The following CROCC variants were observed in gnomAD, a reference collection of about 807,000 sequenced individuals.
The protein encoded by CROCC is rootletin.
In CROCC, 180 loss-of-function variants were observed where a neutral mutation model predicts 245.2. The observed-to-expected ratio is 0.73, with a 90% CI of 0.65 to 0.83. CROCC has a LOEUF of 0.83. Among genes scored for constraint, CROCC ranks in the 40% least tolerant of loss-of-function variants. CROCC has a pLI of 0.00. For missense variants in CROCC, 2,688 were observed against 2,779.4 expected (o/e 0.97, Z 0.74); for synonymous variants, 1,205 against 1,241.6 (o/e 0.97, Z 0.62).
At chr1:16,969,542 A>G (rs1196847504) in intron 32 of CROCC, among the ~76,000 whole-genome samples, 1 of 152,158 alleles carries the variant, frequency 6.6e-6, no homozygotes, top group Non-Finnish European at 1.5e-5. Flanking sequence ...GTAAGAAGAC[A>G]AGGCTACTGG....
At position 16,948,925 on chromosome 1, in the gene CROCC, T is replaced by C; in HGVS notation, c.2835T>C (p.Thr945=). 1 of 1,611,368 alleles carries C rather than the reference T, an allele frequency of 6.2e-7. No individual in the cohort carries two copies. The highest frequency in any genetic ancestry group is 8.5e-7 in the Non-Finnish European group (1 of 1,179,874). The change falls in exon 19 of 37, where the codon ACT becomes ACC. Residue 945 remains threonine (T), a splice_region_variant and synonymous_variant. Coordinates refer to ENST00000375541, the MANE Select transcript of CROCC (RefSeq NM_014675.5). ...TGCTGCTGGCCAAGGAGACCCTGAC[T>C]GGTACGAGGGGCTGGGGACTTGGGG... is the stretch of plus-strand genomic sequence containing the variant. ...QALLLAKETL[T]GELAGLRQQI... is the part of the protein sequence containing the mutation.
Position 16,972,424 on chromosome 1 carries a change from C to T in CROCC, c.6032C>T (p.Pro2011Leu), listed in dbSNP as rs1159889868. ...LRRSSAPFSP[P>L]SGPPEK is the part of the protein sequence containing the mutation. ...AGGAGCTCAGCACCCTTCTCCCCAC[C>T]CTCCGGCCCCCCAGAGAAATGAGCT... is the stretch of plus-strand genomic sequence containing the variant. Residue 2011 changes from proline (P) to leucine (L), a missense_variant, in exon 37 of 37, where the codon CCC becomes CTC. This residue lies in a region of CROCC where 1,218 missense variants were observed against 1,286.3 expected (regional missense o/e 0.95). Coordinates refer to ENST00000375541, the MANE Select transcript of CROCC (RefSeq NM_014675.5). 4 of 1,613,186 alleles carry T rather than the reference C, an allele frequency of 2.5e-6. No homozygotes were observed. Among genetic ancestry groups the T allele is most frequent in the Non-Finnish European group, 3.4e-6 (4 of 1,179,526 alleles).
At chr1:16,914,265 C>T (rs1310922157) in intron 1 of CROCC, among the ~76,000 whole-genome samples, 1 of 151,922 alleles carries the variant, frequency 6.6e-6, no homozygotes, top group African/African-American at 2.4e-5. Flanking sequence ...TCCGCGACTG[C>T]CGCGGCCCGG....
At chr1:16,936,070 T>TC (rs2075781642) in intron 8 of CROCC, among the ~76,000 whole-genome samples, 2 of 152,140 alleles carry the variant, frequency 1.3e-5, no homozygotes, top group Non-Finnish European at 1.5e-5. Context: ...CCTTTTTTTT[T>TC]CCCCAATCTG....
Position 16,945,559 on chromosome 1 carries a change from G to T in CROCC, c.2089G>T (p.Asp697Tyr). 6.2e-7 allele frequency: 1 copy of T among 1,612,482 alleles called. No individual in the cohort carries two copies. Among genetic ancestry groups the T allele is most frequent in the Non-Finnish European group, 8.5e-7 (1 of 1,179,908 alleles). ...EALSRATLQR[D>Y]MLQAEKAEVA... ...GCTGAGCCGCGCCACACTGCAACGG[G>T]ACATGCTGCAGGCCGAGAAGGCCGA... The change falls in exon 15 of 37, where the codon GAC becomes TAC. Residue 697 changes from aspartate (D) to tyrosine (Y), a missense_variant. This residue lies in a region of CROCC where 18 missense variants were observed against 61.1 expected (regional missense o/e 0.29). Coordinates refer to ENST00000375541, the MANE Select transcript of CROCC (RefSeq NM_014675.5).
rs1412174269 is a variant in CROCC, at chr1:16,954,398, G to A, written c.3321+41G>A. On this transcript the variant is annotated intron_variant, in intron 22 of 36. Transcript: ENST00000375541. The surrounding 1 kb of genome is among the most constrained non-coding windows in gnomAD (Gnocchi z 4.4). ...CAGCTGGGCCTCTGTCTCATAGAGAGGCACATCCCTGGCTGAGGAGCCCCC... is the reference window on the plus strand; with the variant it reads ...CAGCTGGGCCTCTGTCTCATAGAGAAGCACATCCCTGGCTGAGGAGCCCCC... 1.9e-6 allele frequency: 3 copies of A among 1,584,872 alleles called. No homozygotes were observed. The highest frequency in any genetic ancestry group is 2.6e-6 in the Non-Finnish European group (3 of 1,162,434).
In CROCC at chr1:16,954,857, C is replaced by T. The variant is rs374075325; in HGVS notation, c.3445C>T (p.Arg1149Trp). The part of the protein sequence containing the change: ...QEQARDLGKQ[R>W]DSCLREAEEL... ...GCAGGCCCGAGACCTGGGCAAGCAGCGGGACTCCTGTCTTCGCGAGGTGAG... is the reference window on the plus strand; with the variant it reads ...GCAGGCCCGAGACCTGGGCAAGCAGTGGGACTCCTGTCTTCGCGAGGTGAG... The change falls in exon 23 of 37, where the codon CGG becomes TGG. Residue 1149 changes from arginine (R) to tryptophan (W), a missense_variant. Around this residue, in one of 9 missense-constraint regions of CROCC, gnomAD observed 1,218 missense variants for 1,286.3 expected, o/e 0.95. Transcript: ENST00000375541. The surrounding 1 kb of genome is among the most constrained non-coding windows in gnomAD (Gnocchi z 4.4). 72 of 1,539,340 alleles carry T rather than the reference C, an allele frequency of 4.7e-5. No individual in the cohort carries two copies. The highest frequency in any genetic ancestry group is 2.0e-4 in the Admixed American group (10 of 51,048).
At chr1:16,950,053 G>A (rs2076133012) in intron 19 of CROCC, among the ~76,000 whole-genome samples, 1 of 150,384 alleles carries the variant, frequency 6.6e-6, no homozygotes, top group Non-Finnish European at 1.5e-5. Flanking sequence ...ACAGGCATGA[G>A]CCATCACGCC....
rs1481559303 is a variant in CROCC at position 16,956,130 on chromosome 1, C to T, written c.3838C>T (p.Arg1280Trp). The T allele has an allele frequency of 1.3e-6, 2 of 1,546,948 alleles. No individual in the cohort carries two copies. Among genetic ancestry groups the T allele is most frequent in the Non-Finnish European group, 1.7e-6 (2 of 1,144,522 alleles). ...EVERSRLEAR[R>W]ELQELRRQMK... Reference sequence around the variant, plus strand: ...GGAGCGCTCACGGCTGGAGGCTCGGCGGGAGCTGCAGGAGCTCCGGCGTCA... The same window carrying T: ...GGAGCGCTCACGGCTGGAGGCTCGGTGGGAGCTGCAGGAGCTCCGGCGTCA... The change falls in exon 25 of 37, where the codon CGG becomes TGG. Residue 1280 changes from arginine (R) to tryptophan (W), a missense_variant. This residue lies in a region of CROCC where 1,218 missense variants were observed against 1,286.3 expected (regional missense o/e 0.95). Transcript: ENST00000375541.
At chr1:16,925,866 G>A (rs753110633) in intron 3 of CROCC, among the ~76,000 whole-genome samples, 6 of 152,266 alleles carry the variant, frequency 3.9e-5, no homozygotes, top group Non-Finnish European at 8.8e-5. Context: ...GGTGTGTAGG[G>A]CACGCTGGCC....
At position 16,942,620 on chromosome 1, in the gene CROCC, CTG is replaced by C. The variant is rs1164317338; in HGVS notation, c.1809-1478_1809-1477del. Among the ~76,000 whole-genome samples, 6 of 152,382 alleles carry C rather than the reference CTG, an allele frequency of 3.9e-5. No individual in the cohort carries two copies. In the South Asian group the frequency reaches 8.3e-4, roughly 21 times the overall value. On this transcript the variant is annotated intron_variant, in intron 13 of 36. Transcript: ENST00000375541. The stretch of plus-strand genomic sequence containing the variant: ...TGTCAAACTCATGCAATTCGGAACT[CTG>C]TTGTTGTAAGCTTGAGAGACTGGCT...
rs1230172608 is a variant in CROCC at position 16,969,245 on chromosome 1, G to C, written c.5206G>C (p.Ala1736Pro). ...GGTGCGGGGCCTGACAGAGGCCCTG[G>C]CCCAGAGCAGTGCCAGCCTCAACAG... The part of the protein sequence containing the change: ...DKVRGLTEAL[A>P]QSSASLNSTR... Residue 1736 changes from alanine to proline, a missense_variant, in exon 32 of 37, where the codon GCC becomes CCC. Around this residue, in one of 9 missense-constraint regions of CROCC, gnomAD observed 1,218 missense variants for 1,286.3 expected, o/e 0.95. Transcript: ENST00000375541. The C allele has an allele frequency of 5.6e-6, 9 of 1,613,342 alleles. No homozygotes were observed. The African/African-American group carries it at 1.2e-4, about 22-fold the overall frequency.
In CROCC at chr1:16,972,515, C is replaced by CT; in HGVS notation, c.*69_*70insT. 9.5e-7 allele frequency: 1 copy of CT among 1,050,392 alleles called. No homozygotes were observed. Among genetic ancestry groups the CT allele is most frequent in the Non-Finnish European group, 1.4e-6 (1 of 740,628 alleles). The allele number at this position is 1,050,392 out of a possible 1,614,324, so 65.1% of individuals were successfully genotyped here. A position where few individuals can be genotyped will look rare whatever the true frequency, so the allele number is the denominator to read the frequency against. On this transcript the variant is annotated 3_prime_UTR_variant, in exon 37 of 37. Coordinates refer to ENST00000375541, the MANE Select transcript of CROCC (RefSeq NM_014675.5). ...GGAGGACCCTTCTTTTGGACAGCCC[C>CT]CCCACCCAGAGCCCGGTCCCTTGGG...
chr1:16,919,128 G>T (rs1456662147), upstream of CROCC, among the ~76,000 whole-genome samples: 3 of 152,278 alleles, frequency 2.0e-5, no homozygotes, highest in Non-Finnish European at 4.4e-5. Context: ...TTTTCCATTT[G>T]CAGGGCAGTT....
At chr1:16,967,727 G>A (rs867861553) in intron 30 of CROCC, among the ~76,000 whole-genome samples, 3 of 152,174 alleles carry the variant, frequency 2.0e-5, no homozygotes, top group South Asian at 2.1e-4. Context: ...CTGACCCTGG[G>A]CAGGGGAGGG....
At chr1:16,955,229 G>A in intron 23 of CROCC, 83 bp from the exon 24 acceptor site, 1 of 1,373,030 alleles carries the variant, frequency 7.3e-7, no homozygotes, top group Non-Finnish European at 1.0e-6. Flanking sequence ...CAGGCTCCCT[G>A]GGTCCAGGGA....
intron 3 of CROCC, among the ~76,000 whole-genome samples, chr1:16,925,918 C>T (rs1419815601): frequency 6.6e-6 from 1 of 152,270 alleles, no homozygotes; most frequent in Admixed American, 6.5e-5. Context: ...CTGAGCCAGG[C>T]ACCCCTTTCT....
chr1:16,946,849 A>C lies in CROCC; in HGVS notation c.2372A>C (p.Glu791Ala). 6.4e-7 allele frequency: 1 copy of C among 1,555,138 alleles called. No individual in the cohort carries two copies. Among genetic ancestry groups the C allele is most frequent in the Non-Finnish European group, 8.7e-7 (1 of 1,149,218 alleles). ...GCGCGGGAAGAGCAGGAACGGCTAG[A>C]GGAGCTGCGGTTGGAGCAGGAGGTG... Reference protein sequence around the residue: ...TVAREEQERLEELRLEQEVAR... With the variant: ...TVAREEQERLAELRLEQEVAR... The change falls in exon 17 of 37, where the codon GAG (glutamate) becomes GCG (alanine). Residue 791 changes from glutamate (E) to alanine (A), a missense_variant. Glu to Ala is a moderately radical substitution (Grantham distance 107). Around this residue, in one of 9 missense-constraint regions of CROCC, gnomAD observed 295 missense variants for 241.7 expected, o/e 1.22. Coordinates refer to ENST00000375541, the MANE Select transcript of CROCC (RefSeq NM_014675.5).
chr1:16,924,326 C>T lies in CROCC; in HGVS notation c.198C>T (p.Val66=). 3 of 1,611,932 alleles carry T rather than the reference C, an allele frequency of 1.9e-6. No homozygotes were observed. Among genetic ancestry groups the T allele is most frequent in the East Asian group, 2.2e-5 (1 of 44,878 alleles). ...CATGTGCCCACTGTCCCTTGCCAGT[C>T]CTGCTGCCGGCCACAGAGATGGCAT... The part of the protein sequence containing the change: ...TRNLSQPESP[V]LLPATEMASL... The change falls in exon 3 of 37, where the codon GTC becomes GTT. Residue 66 remains valine (V), a splice_region_variant and synonymous_variant. Coordinates refer to ENST00000375541, the MANE Select transcript of CROCC (RefSeq NM_014675.5).
Sources: allele counts gnomAD v4.1 joint callset (sites outside exome capture counted in the v4.1 genomes callset), GRCh38; gene constraint gnomAD v4.1.1; regional missense constraint gnomAD v4.1.1; non-coding constraint Gnocchi (gnomAD v3.1); transcripts MANE v1.5; gene names NCBI Gene and HGNC (gene_info 2026-07-23, HGNC 2026-07-21).